RFX2: variants seen among roughly 807,000 people sequenced by gnomAD.
RFX2 encodes DNA-binding protein RFX2.
Under a neutral mutation model 87.8 loss-of-function variants are expected in RFX2, and 20 were observed. The observed-to-expected ratio is 0.23, with a 90% confidence interval of 0.16 to 0.33. The LOEUF (loss-of-function observed/expected upper bound fraction) is 0.33, where lower values mean the gene tolerates loss of function less well. RFX2 is among the 10% of genes least tolerant of loss of function. RFX2 has a pLI of 1.00. For missense variants in RFX2, 767 were observed against 1,012.3 expected (o/e 0.76, Z 3.29); for synonymous variants, 397 against 431.3 (o/e 0.92, Z 0.98).
Position 6,040,213 on chromosome 19 carries a change from G to T in RFX2, c.289C>A (p.Pro97Thr), listed in dbSNP as rs765018085. The change falls in exon 5 of 18, where the codon CCT becomes ACT. Residue 97 changes from proline to threonine, a missense_variant. This residue lies in a region of RFX2 where 146 missense variants were observed against 139.2 expected (regional missense o/e 1.05). Coordinates refer to ENST00000303657, the MANE Select transcript of RFX2 (RefSeq NM_000635.4). This position sits in a 1 kb window ranked among gnomAD's most constrained non-coding sequence, Gnocchi z 6.1. ...IRTAYTYNPE[P>T]QMYAPSSTAS... ...GTGCTGCTGGGGGCGTACATCTGAG[G>T]CTCGGGGTTGTAGGTGTAGGCTGTT... The T allele has an allele frequency of 8.2e-6, 13 of 1,582,536 alleles. No homozygotes were observed. In the Middle Eastern group the frequency reaches 5.0e-4, roughly 61 times the overall value.
intron 5 of RFX2, among the ~76,000 whole-genome samples, chr19:6,036,681 A>G (rs1013750272): frequency 1.3e-5 from 2 of 152,252 alleles, no homozygotes; most frequent in Non-Finnish European, 2.9e-5. Context: ...GACAGAATTC[A>G]ACATCTATTT....
In RFX2 at chr19:5,999,241, C is replaced by T. The variant is rs1327415333; in HGVS notation, c.1860-2028G>A. ...ATTGCACTCCAGCCTGGTGACAGAGCGAGACTCTGTCTCAAAAAACAAGCA... is the reference window on the plus strand; with the variant it reads ...ATTGCACTCCAGCCTGGTGACAGAGTGAGACTCTGTCTCAAAAAACAAGCA... On this transcript the variant is annotated intron_variant, in intron 15 of 17. Coordinates refer to ENST00000303657, the MANE Select transcript of RFX2 (RefSeq NM_000635.4). This position sits in a 1 kb window ranked among gnomAD's most constrained non-coding sequence, Gnocchi z 4.1. 1.3e-5 allele frequency among the ~76,000 whole-genome samples: 2 copies of T among 152,076 alleles called. No individual in the cohort carries two copies. The highest frequency in any genetic ancestry group is 2.1e-4 in the South Asian group (1 of 4,814).
intron 1 of RFX2, among the ~76,000 whole-genome samples, chr19:6,088,873 C>T (rs1443715254): frequency 6.6e-6 from 1 of 152,152 alleles, no homozygotes; most frequent in African/African-American, 2.4e-5. Context: ...TCAACCCCAT[C>T]CATTGTAGGG....
At position 6,023,853 on chromosome 19, in the gene RFX2, C is replaced by T. The variant is rs2086852319; in HGVS notation, c.597+2310G>A. On this transcript the variant is annotated intron_variant, in intron 6 of 17. Coordinates refer to ENST00000303657, the MANE Select transcript of RFX2 (RefSeq NM_000635.4). The surrounding 1 kb of genome is among the most constrained non-coding windows in gnomAD (Gnocchi z 4.9). Reference sequence around the variant, plus strand: ...GGAGTGCAGTGGCGCAATCTCAGCTCACTGCAACCTCCGTCTCCCAGGTTC... The same window carrying T: ...GGAGTGCAGTGGCGCAATCTCAGCTTACTGCAACCTCCGTCTCCCAGGTTC... Among the ~76,000 whole-genome samples, 1 of 151,796 alleles carries T rather than the reference C, an allele frequency of 6.6e-6. No homozygotes were observed.
intron 1 of RFX2, among the ~76,000 whole-genome samples, chr19:6,082,179 G>T (rs2087794294): frequency 6.6e-6 from 1 of 151,604 alleles, no homozygotes. Context: ...CTACTAGGGA[G>T]GCTACTAGGG....
At chr19:6,108,998 T>C (rs2088264651) in intron 1 of RFX2, among the ~76,000 whole-genome samples, 1 of 151,276 alleles carries the variant, frequency 6.6e-6, no homozygotes, top group African/African-American at 2.4e-5. Context: ...GAAATGAGCA[T>C]TTGGGGTGTG....
intron 16 of RFX2, among the ~76,000 whole-genome samples, 191 bp from the exon 17 acceptor site, chr19:5,995,834 C>T (rs1451742857): frequency 3.3e-5 from 5 of 152,100 alleles, no homozygotes; most frequent in South Asian, 4.1e-4. Flanking sequence ...CTGTCCAGGC[C>T]GCCTCTGGGA....
rs1259316406 is a variant in RFX2, at chr19:6,027,054, C to T, written c.523-817G>A. On this transcript the variant is annotated intron_variant, in intron 5 of 17. Transcript: ENST00000303657. This position sits in a 1 kb window ranked among gnomAD's most constrained non-coding sequence, Gnocchi z 5.0. ...GCATTTGGTTTGTCCTAGACTCGCA[C>T]ACGGAAAACAGCGACGTAAAATCTG... 6.6e-6 allele frequency: 1 copy of T among 152,246 alleles called. No individual in the cohort carries two copies. Among genetic ancestry groups the T allele is most frequent in the Non-Finnish European group, 1.5e-5 (1 of 68,102 alleles). 9.4% of individuals were successfully genotyped at this position (152,246 alleles called of 1,614,324 possible). A position where few individuals can be genotyped will look rare whatever the true frequency, so the allele number is the denominator to read the frequency against.
chr19:6,044,065 G>T lies in RFX2; in HGVS notation c.180+128C>A, dbSNP rs1219947304. 2 of 480,754 alleles carry T rather than the reference G, an allele frequency of 4.2e-6. No homozygotes were observed. Among genetic ancestry groups the T allele is most frequent in the Non-Finnish European group, 6.8e-6 (2 of 292,846 alleles). The allele number at this position is 480,754 out of a possible 1,614,324, so 29.8% of individuals were successfully genotyped here. On this transcript the variant is annotated intron_variant, in intron 3 of 17. Coordinates refer to ENST00000303657, the MANE Select transcript of RFX2 (RefSeq NM_000635.4). This position sits in a 1 kb window ranked among gnomAD's most constrained non-coding sequence, Gnocchi z 5.3. ...GCACAGCTTCTGGAAAAGTCTTTTG[G>T]CTAAGAAACTGAAGCTTACAACAAG... is the stretch of plus-strand genomic sequence containing the variant.
chr19:6,054,734 T>C (rs775393671), intron 1 of RFX2, among the ~76,000 whole-genome samples: 5 of 152,174 alleles, frequency 3.3e-5, no homozygotes, highest in Admixed American at 6.5e-5. Flanking sequence ...TGATTTCAAG[T>C]TAGAACATGA....
intron 5 of RFX2, among the ~76,000 whole-genome samples, chr19:6,034,447 T>A (rs1458252493): frequency 6.6e-6 from 1 of 152,006 alleles, no homozygotes; most frequent in African/African-American, 2.4e-5. Context: ...CAGGATTGTC[T>A]CCATCTCTTG....
chr19:6,065,563 C>T (rs2087497750), intron 1 of RFX2, among the ~76,000 whole-genome samples: 1 of 152,086 alleles, frequency 6.6e-6, no homozygotes, highest in Non-Finnish European at 1.5e-5. Flanking sequence ...GGAAGAATGG[C>T]GTGAACCCGG....
In RFX2 at chr19:6,047,531, T is replaced by A; in HGVS notation, c.-8-27A>T. 6.4e-7 allele frequency: 1 copy of A among 1,561,784 alleles called. No homozygotes were observed. Among genetic ancestry groups the A allele is most frequent in the Non-Finnish European group, 8.7e-7 (1 of 1,145,014 alleles). ...TAAAGAAAGGCGGAGAGAGATTGGG[T>A]GGGCAAGGGCTGCAAGCACTGAAAT... On this transcript the variant is annotated intron_variant, in intron 1 of 17. Coordinates refer to ENST00000303657, the MANE Select transcript of RFX2 (RefSeq NM_000635.4). The surrounding 1 kb of genome is among the most constrained non-coding windows in gnomAD (Gnocchi z 4.2).
At chr19:6,029,509 G>A (rs948724424) in intron 5 of RFX2, among the ~76,000 whole-genome samples, 6 of 151,968 alleles carry the variant, frequency 3.9e-5, no homozygotes, top group South Asian at 2.1e-4. Flanking sequence ...GGAGTTCAGG[G>A]ACCAGCCTGG....
At chr19:6,049,453 T>C (rs1269183016) in intron 1 of RFX2, among the ~76,000 whole-genome samples, 1 of 152,248 alleles carries the variant, frequency 6.6e-6, no homozygotes, top group Non-Finnish European at 1.5e-5. Context: ...CTGTCCACCA[T>C]GGCCAGAATG....
chr19:6,019,544 G>GTA lies in RFX2; in HGVS notation c.598-3275_598-3274dup, dbSNP rs1555774669. On this transcript the variant is annotated intron_variant, in intron 6 of 17. Transcript: ENST00000303657. Reference sequence around the variant, plus strand: ...TGTGTGTGTGTGTGTGTGTGTGTGTGTATATACTTTTATATACTTTTTTTT... The same window carrying GTA: ...TGTGTGTGTGTGTGTGTGTGTGTGTGTATATATACTTTTATATACTTTTTTTT... Among the ~76,000 whole-genome samples the GTA allele has an allele frequency of 6.6e-4, 94 of 143,170 alleles. 1 individual carries two copies. Among genetic ancestry groups the GTA allele is most frequent in the Admixed American group, 1.6e-3 (23 of 14,428 alleles). 93.9% of individuals were successfully genotyped at this position (143,170 alleles called of 152,430 possible).
intron 1 of RFX2, among the ~76,000 whole-genome samples, chr19:6,079,738 T>C (rs1013226657): frequency 6.6e-6 from 1 of 151,800 alleles, no homozygotes; most frequent in Non-Finnish European, 1.5e-5. Context: ...ATACAAAAAT[T>C]AGCTGGGCAT....
At position 5,997,509 on chromosome 19, in the gene RFX2, C is replaced by G. The variant is rs2086430251; in HGVS notation, c.1860-296G>C. On this transcript the variant is annotated intron_variant, in intron 15 of 17. Coordinates refer to ENST00000303657, the MANE Select transcript of RFX2 (RefSeq NM_000635.4). The surrounding 1 kb of genome is among the most constrained non-coding windows in gnomAD (Gnocchi z 4.2). ...GACAGGCTGCGGGAAACAACTGTGG[C>G]TGGTGCTAGCGCAGGCGCTAGATGG... 2 of 356,536 alleles carry G rather than the reference C, an allele frequency of 5.6e-6. No homozygotes were observed. The highest frequency in any genetic ancestry group is 4.2e-5 in the African/African-American group (2 of 47,762). The allele number at this position is 356,536 out of a possible 1,614,324, so 22.1% of individuals were successfully genotyped here. A position where few individuals can be genotyped will look rare whatever the true frequency, so the allele number is the denominator to read the frequency against.
chr19:5,999,984 A>AT lies in RFX2; in HGVS notation c.1859+1830dup, dbSNP rs60431255. Among the ~76,000 whole-genome samples the AT allele has an allele frequency of 0.019, 2,763 of 141,912 alleles. 27 individuals carry two copies. Among genetic ancestry groups the AT allele is most frequent in the South Asian group, 0.033 (149 of 4,454 alleles). 93.1% of individuals were successfully genotyped at this position (141,912 alleles called of 152,430 possible). A position where few individuals can be genotyped will look rare whatever the true frequency, so the allele number is the denominator to read the frequency against. On this transcript the variant is annotated intron_variant, in intron 15 of 17. Coordinates refer to ENST00000303657, the MANE Select transcript of RFX2 (RefSeq NM_000635.4). This position sits in a 1 kb window ranked among gnomAD's most constrained non-coding sequence, Gnocchi z 4.1. ...CTGAGGGGTCAGCAAACTTGTTCTT[A>AT]TTTTTTTTTTTTTTCTTGAGATGGA...
Sources: gnomAD v4.1 joint callset for allele counts (sites outside exome capture counted in the v4.1 genomes callset) on GRCh38, gnomAD v4.1.1 for gene constraint, gnomAD v4.1.1 regional missense constraint, Gnocchi (gnomAD v3.1) non-coding constraint, MANE v1.5 for transcripts, NCBI Gene and HGNC (gene_info 2026-07-23, HGNC 2026-07-21) for gene names.